The following DENND1A variants were observed in gnomAD, a reference collection of about 807,000 sequenced individuals.
DENND1A encodes DENN domain containing 1A, also known as DENN domain-containing protein 1A.
DENND1A carries 51 observed loss-of-function variants against 113.7 expected under a neutral mutation model. The ratio of observed to expected loss-of-function variants is 0.45; its 90% CI spans 0.36 to 0.57. The LOEUF (loss-of-function observed/expected upper bound fraction) is 0.57. Ranked by LOEUF, DENND1A falls within the 20% of genes least tolerant of loss-of-function variation. The pLI, the probability that DENND1A is intolerant of heterozygous loss-of-function variation, is 0.00. For missense variants in DENND1A, 1,258 were observed against 1,395.9 expected, an observed-to-expected ratio of 0.90 and a Z score of 1.57; for synonymous variants, 565 against 570.8, an observed-to-expected ratio of 0.99 and a Z score of 0.14.
intron 1 of DENND1A, among the ~76,000 whole-genome samples, chr9:123,925,305 A>G (rs756972012): frequency 1.3e-5 from 2 of 152,086 alleles, no homozygotes; most frequent in Non-Finnish European, 2.9e-5. Flanking sequence ...CCCTCTGCTA[A>G]CCACCCCTAC....
intron 13 of DENND1A, among the ~76,000 whole-genome samples, 192 bp downstream of exon 13, chr9:123,557,378 A>G (rs796354783): frequency 5.9e-5 from 9 of 152,260 alleles, no homozygotes; most frequent in African/African-American, 2.2e-4. Context: ...TGAGGGTCTC[A>G]CACATGATAG....
At chr9:123,418,602 T>C (rs1405421098) in intron 19 of DENND1A, among the ~76,000 whole-genome samples, 1 of 152,000 alleles carries the variant, frequency 6.6e-6, no homozygotes, top group Non-Finnish European at 1.5e-5. Flanking sequence ...GAGAGCGCAG[T>C]GTGTAGGGGA....
intron 10 of DENND1A, among the ~76,000 whole-genome samples, chr9:123,622,274 A>G (rs2061000649): frequency 6.6e-6 from 1 of 152,208 alleles, no homozygotes; most frequent in Admixed American, 6.5e-5. Flanking sequence ...ATGTGTGTTA[A>G]TAAGTGCCTA....
chr9:123,451,978 G>C (rs528065209), intron 17 of DENND1A, among the ~76,000 whole-genome samples: 65 of 148,538 alleles, frequency 4.4e-4, no homozygotes, highest in Admixed American at 2.3e-3. Context: ...CAGGAGGATT[G>C]CTTGAGCCCA....
Position 123,403,229 on chromosome 9 carries a change from C to T in DENND1A, c.1631+173G>A, listed in dbSNP as rs559086210. ...CTGGGGCCTCCCACTGGTGTGACAACCAGACCGAGTAAAAGATCAAGTCCT... is the reference window on the plus strand; with the variant it reads ...CTGGGGCCTCCCACTGGTGTGACAATCAGACCGAGTAAAAGATCAAGTCCT... On this transcript the variant is annotated intron_variant, in intron 21 of 23. Coordinates refer to ENST00000394215, the MANE Select transcript of DENND1A (RefSeq NM_001352964.2). 1.9e-3 allele frequency among the ~76,000 whole-genome samples: 286 copies of T among 152,348 alleles called. 1 individual carries two copies. The highest frequency in any genetic ancestry group is 3.0e-3 in the Non-Finnish European group (206 of 68,034).
chr9:123,633,470 T>C (rs1312837465), intron 9 of DENND1A, among the ~76,000 whole-genome samples: 1 of 152,124 alleles, frequency 6.6e-6, no homozygotes, highest in African/African-American at 2.4e-5. Context: ...CAGAGTAAGG[T>C]ACATGACTCA....
chr9:123,523,437 C>T (rs368661041), intron 13 of DENND1A, among the ~76,000 whole-genome samples: 9 of 152,270 alleles, frequency 5.9e-5, no homozygotes, highest in East Asian at 1.9e-4. Context: ...ACAGATAATA[C>T]GTTACAGAGT....
chr9:123,597,296 A>G (rs1265489939), intron 11 of DENND1A, among the ~76,000 whole-genome samples: 1 of 152,216 alleles, frequency 6.6e-6, no homozygotes, highest in African/African-American at 2.4e-5. Context: ...ACTTAATCAG[A>G]GTGAACTTAT....
chr9:123,553,320 G>A (rs545501914), intron 13 of DENND1A, among the ~76,000 whole-genome samples: 1 of 152,086 alleles, frequency 6.6e-6, no homozygotes, highest in Admixed American at 6.5e-5. Context: ...AAAGATGGTG[G>A]GCCTTGGCTC....
At chr9:123,849,766 T>C (rs753569498) in intron 2 of DENND1A, among the ~76,000 whole-genome samples, 9 of 152,264 alleles carry the variant, frequency 5.9e-5, no homozygotes, top group East Asian at 1.9e-4. Context: ...TTAAGAACAA[T>C]TGTGATTTGT....
Position 123,465,371 on chromosome 9 carries a change from A to G in DENND1A, c.994-7474T>C, listed in dbSNP as rs537579863. ...TATGGAAACTTAAAACTCTGTTTCT[A>G]TTTGATCAATTTAGATGACACAACA... On this transcript the variant is annotated intron_variant, in intron 13 of 23. Coordinates refer to ENST00000394215, the MANE Select transcript of DENND1A (RefSeq NM_001352964.2). Among the ~76,000 whole-genome samples the G allele has an allele frequency of 4.8e-5, 4 of 82,686 alleles. No individual in the cohort carries two copies. In the South Asian group the frequency reaches 9.9e-4, roughly 21 times the overall value. 54.2% of individuals were successfully genotyped at this position (82,686 alleles called of 152,430 possible). A position where few individuals can be genotyped will look rare whatever the true frequency, so the allele number is the denominator to read the frequency against.
chr9:123,868,442 T>C (rs1846086163), intron 2 of DENND1A, among the ~76,000 whole-genome samples: 1 of 152,226 alleles, frequency 6.6e-6, no homozygotes, highest in Non-Finnish European at 1.5e-5. Flanking sequence ...CTCCCATTTA[T>C]AAAGAACTTT....
At chr9:123,582,865 A>AT (rs2058984611) in intron 12 of DENND1A, among the ~76,000 whole-genome samples, 1 of 151,006 alleles carries the variant, frequency 6.6e-6, no homozygotes, top group African/African-American at 2.4e-5. Context: ...TGCCTGGCTA[A>AT]TTTTTGTATT....
intron 5 of DENND1A, among the ~76,000 whole-genome samples, chr9:123,704,468 A>G (rs569579649): frequency 6.6e-6 from 1 of 152,352 alleles, no homozygotes; most frequent in Admixed American, 6.5e-5. Flanking sequence ...ATGCTTTCAC[A>G]TGGAGTTGCA....
chr9:123,817,429 C>T (rs1399961143), intron 2 of DENND1A, among the ~76,000 whole-genome samples: 1 of 152,110 alleles, frequency 6.6e-6, no homozygotes, highest in African/African-American at 2.4e-5. Context: ...CATCCACGTG[C>T]AAGGTATAAC....
At chr9:123,896,372 G>C (rs1160203675) in intron 1 of DENND1A, among the ~76,000 whole-genome samples, 1 of 151,454 alleles carries the variant, frequency 6.6e-6, no homozygotes, top group Admixed American at 6.6e-5. Context: ...AACCGAAGTG[G>C]TCCCAAACTA....
At chr9:123,485,656 G>GCGCGCGCGCGCGCACACA (rs765633751) in intron 13 of DENND1A, 1 of 141,156 alleles carries the variant, frequency 7.1e-6, no homozygotes, top group African/African-American at 2.9e-5. Flanking sequence ...GCGCGCGCGC[G>GCGCGCGCGCGCGCACACA]CACACACACA....
At chr9:123,810,583 G>A (rs1487516548) in intron 2 of DENND1A, among the ~76,000 whole-genome samples, 4 of 136,540 alleles carry the variant, frequency 2.9e-5, no homozygotes, top group South Asian at 2.4e-4. Flanking sequence ...ACATACTAAC[G>A]AAAGCTGATA....
intron 19 of DENND1A, among the ~76,000 whole-genome samples, chr9:123,424,265 G>A (rs1365249193): frequency 3.9e-5 from 6 of 152,138 alleles, no homozygotes; most frequent in South Asian, 2.1e-4. Context: ...CCTTCCTCAC[G>A]GACTGTACTT....
Sources: allele counts gnomAD v4.1 joint callset (sites outside exome capture counted in the v4.1 genomes callset), GRCh38; gene constraint gnomAD v4.1.1; transcripts MANE v1.5; gene names NCBI Gene and HGNC (gene_info 2026-07-23, HGNC 2026-07-21).